Variants in PAPPA observed in about 807,000 individuals in gnomAD.
The protein encoded by PAPPA is pappalysin-1.
A neutral mutation model predicts 164.0 loss-of-function variants in PAPPA; 60 were observed. The observed-to-expected ratio is 0.37, with a 90% CI of 0.30 to 0.45. PAPPA has a LOEUF of 0.45. Ranked by LOEUF, PAPPA falls within the 20% of genes least tolerant of loss-of-function variation. The probability of loss-of-function intolerance (pLI) is 1.00; values close to 1 mark genes in which losing one functional copy is unlikely to be tolerated. For missense variants in PAPPA, 1,782 were observed against 2,087.3 expected, an observed-to-expected ratio of 0.85 and a Z score of 2.85; for synonymous variants, 875 against 814.1, an observed-to-expected ratio of 1.07 and a Z score of -1.27.
chr9:116,373,900 A>C (rs1443248890), intron 19 of PAPPA, among the ~76,000 whole-genome samples: 1 of 152,144 alleles, frequency 6.6e-6, no homozygotes, highest in African/African-American at 2.4e-5. Context: ...CCAGAGTCAA[A>C]AATAGTACCT....
chr9:116,395,292 A>C (rs1846948217), intron 21 of PAPPA, among the ~76,000 whole-genome samples: 1 of 152,100 alleles, frequency 6.6e-6, no homozygotes, highest in South Asian at 2.1e-4. Context: ...GTTGGGAGGG[A>C]GGGAAAGAGG....
chr9:116,384,767 A>G (rs990832739), intron 21 of PAPPA, among the ~76,000 whole-genome samples: 2 of 152,098 alleles, frequency 1.3e-5, no homozygotes, highest in African/African-American at 4.8e-5. Flanking sequence ...TATAGTGAAC[A>G]ATATTATCTA....
chr9:116,355,849 G>T (rs1215445696), intron 17 of PAPPA, among the ~76,000 whole-genome samples: 1 of 152,114 alleles, frequency 6.6e-6, no homozygotes. Flanking sequence ...AAAGAATGAG[G>T]GTGTGCGTGC....
chr9:116,223,012 A>G (rs1363196347), intron 5 of PAPPA, among the ~76,000 whole-genome samples: 2 of 152,214 alleles, frequency 1.3e-5, no homozygotes, highest in African/African-American at 2.4e-5. Context: ...TTTGAAACCT[A>G]TTTGATCACA....
chr9:116,160,783 G>A (rs998193842), intron 1 of PAPPA, among the ~76,000 whole-genome samples: 1 of 152,192 alleles, frequency 6.6e-6, no homozygotes, highest in African/African-American at 2.4e-5. Flanking sequence ...TTGCCTTGGT[G>A]CAGTTACTGG....
At chr9:116,180,737 A>G (rs1344266379) in intron 1 of PAPPA, among the ~76,000 whole-genome samples, 1 of 152,180 alleles carries the variant, frequency 6.6e-6, no homozygotes, top group Non-Finnish European at 1.5e-5. Context: ...AGATAATTTT[A>G]TGTTGACTTA....
intron 19 of PAPPA, chr9:116,373,707 AAAGT>A (rs1846606912): frequency 6.6e-6 from 1 of 152,206 alleles, no homozygotes; most frequent in African/African-American, 2.4e-5. Flanking sequence ...ATCGGTCAAA[AAAGT>A]AAGCTATTTT....
chr9:116,380,806 G>A (rs941402877), intron 20 of PAPPA, among the ~76,000 whole-genome samples: 1 of 152,186 alleles, frequency 6.6e-6, no homozygotes, highest in African/African-American at 2.4e-5. Flanking sequence ...CTGGCATCAT[G>A]AGTTCAGGGT....
Position 116,284,545 on chromosome 9 carries a change from C to CTTTTTTTTTT in PAPPA, c.2953+13143_2953+13152dup, listed in dbSNP as rs61248033. Among the ~76,000 whole-genome samples the CTTTTTTTTTT allele has an allele frequency of 1.4e-3, 121 of 88,260 alleles. 5 individuals carry two copies. The highest frequency in any genetic ancestry group is 5.1e-3 in the African/African-American group (112 of 21,970). 57.9% of individuals were successfully genotyped at this position (88,260 alleles called of 152,430 possible). On this transcript the variant is annotated intron_variant, in intron 9 of 21. Transcript: ENST00000328252. The stretch of plus-strand genomic sequence containing the variant: ...CAAAATCTCTATCTTTAGTCTGGGC[C>CTTTTTTTTTT]TTTTTTTTTTTTTTTTTTTTTTTGA...
intron 5 of PAPPA, among the ~76,000 whole-genome samples, chr9:116,225,130 A>G (rs1225544981): frequency 6.6e-6 from 1 of 152,222 alleles, no homozygotes; most frequent in Non-Finnish European, 1.5e-5. Context: ...CACATAGACG[A>G]AATAATGAAT....
At chr9:116,344,426 C>A in intron 13 of PAPPA, 117 bp from the exon 14 acceptor site, 2 of 1,009,728 alleles carry the variant, frequency 2.0e-6, no homozygotes, top group Non-Finnish European at 2.9e-6. Flanking sequence ...CCCTTTCTGT[C>A]CTCAGTCTCA....
At chr9:116,383,784 T>C (rs1220270142) in intron 21 of PAPPA, among the ~76,000 whole-genome samples, 1 of 152,206 alleles carries the variant, frequency 6.6e-6, no homozygotes, top group Admixed American at 6.5e-5. Flanking sequence ...TACCCTTCTT[T>C]GGTTTCGGTT....
At chr9:116,278,600 T>G (rs2118839132) in intron 9 of PAPPA, among the ~76,000 whole-genome samples, 1 of 152,250 alleles carries the variant, frequency 6.6e-6, no homozygotes, top group Admixed American at 6.5e-5. Context: ...ATTCTGTATT[T>G]TAGGCTGTAT....
intron 10 of PAPPA, among the ~76,000 whole-genome samples, chr9:116,324,656 G>A (rs1055777565): frequency 6.6e-6 from 1 of 152,176 alleles, no homozygotes; most frequent in African/African-American, 2.4e-5. Context: ...TTCTGCCTGG[G>A]GAGTGAGTAA....
At chr9:116,378,458 A>G (rs751488764) in intron 20 of PAPPA, among the ~76,000 whole-genome samples, 12 of 152,344 alleles carry the variant, frequency 7.9e-5, no homozygotes, top group Admixed American at 7.2e-4. Flanking sequence ...TCTGTGGTTC[A>G]TCCAGAGCCC....
At chr9:116,323,344 C>T (rs1588003959) in intron 10 of PAPPA, among the ~76,000 whole-genome samples, 1 of 152,114 alleles carries the variant, frequency 6.6e-6, no homozygotes, top group Non-Finnish European at 1.5e-5. Flanking sequence ...ACCAGACATC[C>T]TGGCCCGTCA....
intron 21 of PAPPA, among the ~76,000 whole-genome samples, chr9:116,386,203 T>G (rs2118712928): frequency 6.6e-6 from 1 of 152,308 alleles, no homozygotes; most frequent in East Asian, 1.9e-4. Flanking sequence ...AGATGCAAGA[T>G]TCCTAGAAGT....
chr9:116,321,186 C>A (rs1260658212), intron 10 of PAPPA, among the ~76,000 whole-genome samples: 1 of 152,064 alleles, frequency 6.6e-6, no homozygotes, highest in Non-Finnish European at 1.5e-5. Flanking sequence ...CACCACCGCA[C>A]CCAGCTAATT....
At chr9:116,384,284 A>AATAATAATAATT (rs1846774426) in intron 21 of PAPPA, among the ~76,000 whole-genome samples, 2 of 147,678 alleles carry the variant, frequency 1.4e-5, no homozygotes, top group African/African-American at 5.0e-5. Flanking sequence ...TAATAATAAT[A>AATAATAATAATT]ATAATAATAA....
Sources: allele counts gnomAD v4.1 joint callset (sites outside exome capture counted in the v4.1 genomes callset), GRCh38; gene constraint gnomAD v4.1.1; transcripts MANE v1.5; gene names NCBI Gene and HGNC (gene_info 2026-07-23, HGNC 2026-07-21).